The following SUGCT variants were observed in gnomAD, a reference collection of about 807,000 sequenced individuals.
The protein encoded by SUGCT is succinyl-CoA:glutarate-CoA transferase, also known as succinyl-CoA:glutarate CoA-transferase.
In SUGCT, 41 loss-of-function variants were observed where a neutral mutation model predicts 55.0. The observed-to-expected ratio is 0.74, with a 90% CI of 0.58 to 0.97. The LOEUF is 0.97. Among genes scored for constraint, SUGCT ranks in the 50% least tolerant of loss-of-function variants. The pLI is 0.00. For missense variants in SUGCT, 568 were observed against 547.8 expected, an observed-to-expected ratio of 1.04 and a Z score of -0.37; for synonymous variants, 187 against 200.4, an observed-to-expected ratio of 0.93 and a Z score of 0.56.
chr7:40,341,210 T>C (rs1797025358), intron 9 of SUGCT, among the ~76,000 whole-genome samples: 1 of 152,206 alleles, frequency 6.6e-6, no homozygotes, highest in African/African-American at 2.4e-5. Context: ...TGTAGGATCA[T>C]TGACCATTTT....
At chr7:40,621,337 C>T (rs1799255010) in intron 12 of SUGCT, among the ~76,000 whole-genome samples, 1 of 152,098 alleles carries the variant, frequency 6.6e-6, no homozygotes. Context: ...TCCTGTCTTT[C>T]TCCTTGTAAT....
intron 13 of SUGCT, among the ~76,000 whole-genome samples, chr7:40,847,919 A>G (rs542037456): frequency 6.6e-6 from 1 of 152,336 alleles, no homozygotes; most frequent in Admixed American, 6.5e-5. Flanking sequence ...TGAAGCTGTT[A>G]CTGGCATTAT....
intron 6 of SUGCT, among the ~76,000 whole-genome samples, chr7:40,234,666 C>G (rs1400860440): frequency 6.6e-6 from 1 of 151,994 alleles, no homozygotes; most frequent in Admixed American, 6.6e-5. Flanking sequence ...CTCAGCACTT[C>G]GGGAGACTGA....
chr7:40,499,118 G>A (rs773204192), intron 12 of SUGCT: 10 of 456,668 alleles, frequency 2.2e-5, no homozygotes, highest in South Asian at 7.7e-5. Flanking sequence ...CCACTGGCGC[G>A]TGTGGCCCAC....
chr7:40,920,506 T>A, the SUGCT span, among the ~76,000 whole-genome samples: 1 of 152,142 alleles, frequency 6.6e-6, no homozygotes, highest in South Asian at 2.1e-4. Flanking sequence ...CACCCCCAAC[T>A]CAGCCCATTT....
At chr7:40,930,014 G>T in the SUGCT span, among the ~76,000 whole-genome samples, 1 of 152,118 alleles carries the variant, frequency 6.6e-6, no homozygotes, top group Non-Finnish European at 1.5e-5. Context: ...GTCCTGAATG[G>T]TATTGCCTAG....
intron 6 of SUGCT, among the ~76,000 whole-genome samples, chr7:40,202,136 A>T (rs1159615406): frequency 6.6e-6 from 1 of 151,706 alleles, no homozygotes; most frequent in African/African-American, 2.4e-5. Flanking sequence ...CCACGCCCGG[A>T]TAGTTTTTGT....
chr7:40,174,599 G>A (rs1375094745), intron 1 of SUGCT, among the ~76,000 whole-genome samples: 1 of 152,146 alleles, frequency 6.6e-6, no homozygotes, highest in Admixed American at 6.6e-5. Flanking sequence ...GTATGTTCCT[G>A]CCACTGCACC....
At chr7:40,885,643 T>C in the SUGCT span, among the ~76,000 whole-genome samples, 2 of 152,136 alleles carry the variant, frequency 1.3e-5, no homozygotes, top group African/African-American at 4.8e-5. Context: ...CATCCTATGA[T>C]TGGCCTTCTC....
chr7:40,573,374 C>A (rs1029018654), intron 12 of SUGCT, among the ~76,000 whole-genome samples: 5 of 152,266 alleles, frequency 3.3e-5, no homozygotes, highest in Non-Finnish European at 2.9e-5. Context: ...AGTATCAGGG[C>A]ACTAATGAGC....
At chr7:41,022,814 A>T in the SUGCT span, among the ~76,000 whole-genome samples, 5 of 152,146 alleles carry the variant, frequency 3.3e-5, no homozygotes, top group African/African-American at 1.2e-4. Context: ...AGAAAGTATA[A>T]AAAAAATAAG....
the SUGCT span, among the ~76,000 whole-genome samples, chr7:40,930,492 A>G: frequency 1.3e-5 from 2 of 152,120 alleles, no homozygotes; most frequent in African/African-American, 4.8e-5. Flanking sequence ...ATGGCATTGA[A>G]TCTATAAATT....
chr7:40,887,957 C>G, the SUGCT span, among the ~76,000 whole-genome samples: 1 of 151,944 alleles, frequency 6.6e-6, no homozygotes. Flanking sequence ...CTAAAGGGCT[C>G]ACTATGGCAG....
At chr7:40,839,372 A>G (rs2128787307) in intron 13 of SUGCT, among the ~76,000 whole-genome samples, 1 of 152,248 alleles carries the variant, frequency 6.6e-6, no homozygotes, top group East Asian at 1.9e-4. Context: ...CCTCCCAAGT[A>G]GCTGACACTG....
intron 6 of SUGCT, among the ~76,000 whole-genome samples, chr7:40,205,467 C>G (rs1786911850): frequency 6.6e-6 from 1 of 151,656 alleles, no homozygotes; most frequent in South Asian, 2.1e-4. Context: ...CATGGTGAAA[C>G]CCCATCTCTA....
At chr7:40,478,122 C>T (rs559336428) in intron 11 of SUGCT, among the ~76,000 whole-genome samples, 75 of 152,228 alleles carry the variant, frequency 4.9e-4, no homozygotes, top group African/African-American at 1.7e-3. Flanking sequence ...CCTCCTGAGT[C>T]ATTGGTACTA....
the SUGCT span, among the ~76,000 whole-genome samples, chr7:41,023,976 G>T: frequency 6.6e-6 from 1 of 152,154 alleles, no homozygotes; most frequent in East Asian, 1.9e-4. Context: ...TTAGGCATCC[G>T]TAATCATGAT....
rs573701796 is a variant in SUGCT at position 40,237,603 on chromosome 7, G to A, written c.485-32G>A. 22 of 1,544,122 alleles carry A rather than the reference G, an allele frequency of 1.4e-5. 1 individual carries two copies. In the South Asian group the frequency reaches 2.5e-4, roughly 17 times the overall value. ...ACAGTGGTTTTAGCACACCCTGTGT[G>A]GTGCTGAATATGTTTATTTTTGTTG... On this transcript the variant is annotated intron_variant, in intron 6 of 13. Transcript: ENST00000335693.
the SUGCT span, among the ~76,000 whole-genome samples, chr7:40,961,999 AC>A: frequency 6.6e-6 from 1 of 152,178 alleles, no homozygotes; most frequent in South Asian, 2.1e-4. Flanking sequence ...GTGGAAGGGG[AC>A]CCAAGTGGGT....
Sources: gnomAD v4.1 joint callset for allele counts (sites outside exome capture counted in the v4.1 genomes callset) on GRCh38, gnomAD v4.1.1 for gene constraint, MANE v1.5 for transcripts, NCBI Gene and HGNC (gene_info 2026-07-23, HGNC 2026-07-21) for gene names.